DENND1A: variants seen among roughly 807,000 people sequenced by gnomAD.
The protein encoded by DENND1A is DENN domain containing 1A.
In DENND1A, 51 loss-of-function variants were observed where a neutral mutation model predicts 113.7. The ratio of observed to expected loss-of-function variants is 0.45; its 90% CI spans 0.36 to 0.57. The LOEUF is 0.57. Ranked by LOEUF, DENND1A falls within the 20% of genes least tolerant of loss-of-function variation. The pLI, the probability that DENND1A is intolerant of heterozygous loss-of-function variation, is 0.00. For missense variants in DENND1A, 1,258 were observed against 1,395.9 expected (o/e 0.90, Z 1.57); for synonymous variants, 565 against 570.8 (o/e 0.99, Z 0.14).
At chr9:123,912,415 C>A (rs983894916) in intron 1 of DENND1A, among the ~76,000 whole-genome samples, 7 of 152,102 alleles carry the variant, frequency 4.6e-5, no homozygotes, top group Admixed American at 3.3e-4. Context: ...CCAATTGATG[C>A]AGACCCAAAA....
intron 14 of DENND1A, 88 bp from the exon 15 acceptor site, chr9:123,457,523 T>A (rs1017059871): frequency 9.0e-7 from 1 of 1,115,158 alleles, no homozygotes; most frequent in African/African-American, 1.6e-5. Flanking sequence ...GTATCCAAGG[T>A]AGGAGTTTTC....
rs1649542323 is a variant in DENND1A, at chr9:123,690,367, G to C, written c.303-13578C>G. Among the ~76,000 whole-genome samples the C allele has an allele frequency of 2.0e-5, 3 of 152,088 alleles. No homozygotes were observed. In the South Asian group the frequency reaches 6.2e-4, roughly 32 times the overall value. On this transcript the variant is annotated intron_variant, in intron 5 of 23. Coordinates refer to ENST00000394215, the MANE Select transcript of DENND1A (RefSeq NM_001352964.2). ...GTGCCTTAAAATTTAAGAAAAAAAAGTTGCCTGTTAAGTACTGTTATTCAT... is the reference window on the plus strand; with the variant it reads ...GTGCCTTAAAATTTAAGAAAAAAAACTTGCCTGTTAAGTACTGTTATTCAT...
intron 5 of DENND1A, among the ~76,000 whole-genome samples, chr9:123,709,598 G>C (rs2066453601): frequency 6.6e-6 from 1 of 152,080 alleles, no homozygotes; most frequent in Admixed American, 6.5e-5. Context: ...CTGCATCCTA[G>C]CTTGCTACTG....
chr9:123,769,834 G>A (rs1050577338), intron 3 of DENND1A, among the ~76,000 whole-genome samples: 4 of 152,122 alleles, frequency 2.6e-5, no homozygotes, highest in African/African-American at 4.8e-5. Context: ...GGAGGGAGGC[G>A]GTTGGGTTGC....
Position 123,871,553 on chromosome 9 carries a change from A to G in DENND1A, c.88+7398T>C, listed in dbSNP as rs1846612879. 3.3e-5 allele frequency among the ~76,000 whole-genome samples: 5 copies of G among 152,012 alleles called. No individual in the cohort carries two copies. The South Asian group carries it at 1.0e-3, about 32-fold the overall frequency. ...CTCTCAATATTTTAAGTCAGCAAAAACTCAGTTTTCTTCATGATACTGCTA... is the reference window on the plus strand; with the variant it reads ...CTCTCAATATTTTAAGTCAGCAAAAGCTCAGTTTTCTTCATGATACTGCTA... On this transcript the variant is annotated intron_variant, in intron 2 of 23. Transcript: ENST00000394215.
intron 2 of DENND1A, among the ~76,000 whole-genome samples, chr9:123,835,072 C>T (rs1840845684): frequency 6.6e-6 from 1 of 150,700 alleles, no homozygotes; most frequent in African/African-American, 2.4e-5. Context: ...GCTCTTATCA[C>T]TGGTAAACTC....
intron 13 of DENND1A, among the ~76,000 whole-genome samples, chr9:123,528,857 T>G (rs1045358248): frequency 1.3e-5 from 2 of 152,212 alleles, no homozygotes; most frequent in Non-Finnish European, 2.9e-5. Flanking sequence ...ACTTCAGTTT[T>G]TCCTAAATGT....
intron 13 of DENND1A, among the ~76,000 whole-genome samples, chr9:123,512,859 T>C (rs552894296): frequency 6.6e-6 from 1 of 152,338 alleles, no homozygotes; most frequent in South Asian, 2.1e-4. Context: ...AAAATGGGGA[T>C]AATAATACGT....
intron 3 of DENND1A, among the ~76,000 whole-genome samples, chr9:123,776,422 A>G (rs1343969231): frequency 2.0e-5 from 3 of 152,228 alleles, no homozygotes; most frequent in African/African-American, 7.2e-5. Flanking sequence ...GAAACATTCT[A>G]ATTATTAAAA....
chr9:123,779,371 G>A (rs781600679), intron 3 of DENND1A, among the ~76,000 whole-genome samples: 10 of 152,010 alleles, frequency 6.6e-5, no homozygotes, highest in Admixed American at 3.3e-4. Context: ...CTCTCTCTGC[G>A]TCCTCCTCTA....
intron 10 of DENND1A, among the ~76,000 whole-genome samples, chr9:123,611,036 AAT>A (rs2060395399): frequency 6.6e-6 from 1 of 152,256 alleles, no homozygotes; most frequent in African/African-American, 2.4e-5. Flanking sequence ...GCAGTAATAT[AAT>A]ATGTCTTGGG....
chr9:123,818,213 T>G (rs1837829371), intron 2 of DENND1A, among the ~76,000 whole-genome samples: 1 of 151,254 alleles, frequency 6.6e-6, no homozygotes. Flanking sequence ...CACACCATTC[T>G]CCTGCCTCAG....
chr9:123,512,409 A>G (rs2053534622), intron 13 of DENND1A, among the ~76,000 whole-genome samples: 1 of 152,166 alleles, frequency 6.6e-6, no homozygotes, highest in Admixed American at 6.5e-5. Context: ...GGCTCACTTC[A>G]CTTGAAAGCT....
intron 9 of DENND1A, among the ~76,000 whole-genome samples, chr9:123,645,181 G>C (rs1469691191): frequency 2.0e-5 from 3 of 152,040 alleles, no homozygotes; most frequent in African/African-American, 7.2e-5. Context: ...ACCTGCCTCT[G>C]AACTAAATAT....
At chr9:123,751,303 G>A (rs1352696599) in intron 5 of DENND1A, 2 of 152,156 alleles carry the variant, frequency 1.3e-5, no homozygotes, top group African/African-American at 4.8e-5. Context: ...GCTCCAGAAG[G>A]AAGAAGGTTG....
At chr9:123,640,125 A>C (rs2061949944) in intron 9 of DENND1A, among the ~76,000 whole-genome samples, 1 of 152,260 alleles carries the variant, frequency 6.6e-6, no homozygotes. Flanking sequence ...CTATGTGCAC[A>C]CACCATGCCC....
intron 20 of DENND1A, among the ~76,000 whole-genome samples, chr9:123,409,881 G>A (rs890397253): frequency 2.6e-5 from 4 of 152,132 alleles, no homozygotes; most frequent in Non-Finnish European, 5.9e-5. Context: ...CACAAGGTCA[G>A]GAGATCGAGA....
intron 9 of DENND1A, among the ~76,000 whole-genome samples, chr9:123,641,646 G>A (rs1177923647): frequency 6.6e-6 from 1 of 152,090 alleles, no homozygotes; most frequent in African/African-American, 2.4e-5. Context: ...CAGTCGGTAC[G>A]CATAAACATC....
chr9:123,531,274 A>G (rs1316754977), intron 13 of DENND1A, among the ~76,000 whole-genome samples: 1 of 152,036 alleles, frequency 6.6e-6, no homozygotes, highest in African/African-American at 2.4e-5. Context: ...TTTGTTTAAG[A>G]TCCTCTCTCC....
Sources: gnomAD v4.1 joint callset for allele counts (sites outside exome capture counted in the v4.1 genomes callset) on GRCh38, gnomAD v4.1.1 for gene constraint, MANE v1.5 for transcripts, NCBI Gene and HGNC (gene_info 2026-07-23, HGNC 2026-07-21) for gene names.